Variants in TNPO3 observed in about 807,000 individuals in gnomAD.
TNPO3 encodes transportin 3.
TNPO3 carries 65 observed loss-of-function variants against 122.8 expected under a neutral mutation model. The ratio of observed to expected loss-of-function variants is 0.53; its 90% confidence interval spans 0.43 to 0.65. The LOEUF (loss-of-function observed/expected upper bound fraction) is 0.65. Among genes scored for constraint, TNPO3 ranks in the 30% least tolerant of loss-of-function variants. The probability of loss-of-function intolerance (pLI) is 0.00; values close to 1 mark genes in which losing one functional copy is unlikely to be tolerated. For synonymous variants in TNPO3, 372 were observed against 411.2 expected (o/e 0.90, Z 1.15); for missense variants, 850 against 1,136.7 (o/e 0.75, Z 3.63).
chr7:128,969,525 T>C (rs1798252391), intron 20 of TNPO3, among the ~76,000 whole-genome samples: 2 of 152,210 alleles, frequency 1.3e-5, no homozygotes, highest in African/African-American at 4.8e-5. Context: ...GGTTATATTA[T>C]ACTTTACCAT....
intron 1 of TNPO3, among the ~76,000 whole-genome samples, chr7:129,042,941 T>C (rs1563112753): frequency 1.3e-5 from 2 of 151,824 alleles, no homozygotes; most frequent in Admixed American, 1.3e-4. Flanking sequence ...CAAAATACAC[T>C]TGGGTATACA....
intron 1 of TNPO3, among the ~76,000 whole-genome samples, chr7:129,023,884 A>G (rs1003917236): frequency 1.3e-5 from 2 of 152,376 alleles, no homozygotes; most frequent in African/African-American, 4.8e-5. Flanking sequence ...ATGTAAGTAA[A>G]GAAATAACAG....
chr7:128,991,634 A>G (rs1800757656), intron 10 of TNPO3, among the ~76,000 whole-genome samples: 1 of 152,236 alleles, frequency 6.6e-6, no homozygotes, highest in Non-Finnish European at 1.5e-5. Context: ...AGGTCACAAA[A>G]GCAGGAAACC....
intron 8 of TNPO3, among the ~76,000 whole-genome samples, chr7:128,996,744 A>C (rs1801372573): frequency 8.4e-5 from 2 of 23,898 alleles, no homozygotes; most frequent in South Asian, 1.8e-3. Flanking sequence ...CTCCGTCTCA[A>C]AAAAAAAAAA....
intron 10 of TNPO3, among the ~76,000 whole-genome samples, chr7:128,990,884 C>T (rs1253450867): frequency 3.3e-5 from 5 of 152,162 alleles, no homozygotes; most frequent in Non-Finnish European, 7.3e-5. Context: ...TGGATTACAG[C>T]AAGACCACCC....
chr7:129,030,237 C>G (rs1336903276), intron 1 of TNPO3: 1 of 217,484 alleles, frequency 4.6e-6, no homozygotes, highest in Non-Finnish European at 9.7e-6. Context: ...CATGTGATGG[C>G]CTTGATCAGA....
At chr7:129,008,318 A>G (rs1245073857) in intron 4 of TNPO3, among the ~76,000 whole-genome samples, 1 of 151,972 alleles carries the variant, frequency 6.6e-6, no homozygotes, top group African/African-American at 2.4e-5. Context: ...GGAGTTCTAG[A>G]CTAATCTGAG....
At chr7:128,958,247 G>C (rs1159291236) in intron 21 of TNPO3, among the ~76,000 whole-genome samples, 1 of 147,822 alleles carries the variant, frequency 6.8e-6, no homozygotes, top group Admixed American at 6.9e-5. Context: ...AGGTTCAAGC[G>C]ATTCTCCTGC....
At chr7:129,010,098 T>C (rs1156431522) in intron 4 of TNPO3, among the ~76,000 whole-genome samples, 2 of 152,222 alleles carry the variant, frequency 1.3e-5, no homozygotes, top group African/African-American at 4.8e-5. Flanking sequence ...TAGTAGGAGC[T>C]CATAAGAATG....
chr7:129,033,399 C>T (rs1806174338), intron 1 of TNPO3, among the ~76,000 whole-genome samples: 1 of 152,016 alleles, frequency 6.6e-6, no homozygotes, highest in Non-Finnish European at 1.5e-5. Flanking sequence ...ACCTCACACC[C>T]AATAGAATGA....
At chr7:129,035,559 T>C (rs148115945) in intron 1 of TNPO3, among the ~76,000 whole-genome samples, 1,610 of 152,138 alleles carry the variant, frequency 0.011, 17 homozygotes, top group Middle Eastern at 0.014. Flanking sequence ...AAGGCCGCAG[T>C]GAGCCTTGAT....
intron 1 of TNPO3, among the ~76,000 whole-genome samples, chr7:129,021,163 C>T (rs911192947): frequency 2.2e-4 from 33 of 151,978 alleles, no homozygotes; most frequent in African/African-American, 6.3e-4. Context: ...CAAGACCAGT[C>T]GGGCCAATAT....
intron 16 of TNPO3, among the ~76,000 whole-genome samples, chr7:128,977,372 C>T (rs1015335851): frequency 1.2e-4 from 19 of 152,116 alleles, no homozygotes; most frequent in African/African-American, 3.6e-4. Context: ...GTGGCAATCG[C>T]CTAAATGCGA....
chr7:128,990,258 C>A, intron 10 of TNPO3, 158 bp from the exon 11 acceptor site: 1 of 831,248 alleles, frequency 1.2e-6, no homozygotes. Flanking sequence ...ATTTTCAAAT[C>A]TTCAAAAAAG....
chr7:129,054,765 T>G lies in TNPO3; in HGVS notation c.6A>C (p.Glu2Asp). M[E>D]GAKPTLQLVY... is the part of the protein sequence containing the mutation. The stretch of plus-strand genomic sequence containing the variant: ...CGAGCTGCAATGTCGGCTTTGCTCC[T>G]TCCATGGTGGTGGCGGTAGTGGCGG... Residue 2 changes from glutamate to aspartate, a missense_variant, in exon 1 of 23, where the codon GAA (glutamate) becomes GAC (aspartate). Coordinates refer to ENST00000265388, the MANE Select transcript of TNPO3 (RefSeq NM_012470.4). 1 of 1,614,154 alleles carries G rather than the reference T, an allele frequency of 6.2e-7. No individual in the cohort carries two copies. The highest frequency in any genetic ancestry group is 8.5e-7 in the Non-Finnish European group (1 of 1,180,008).
Position 129,001,227 on chromosome 7 carries a change from T to C in TNPO3, c.704A>G (p.Asp235Gly). The C allele has an allele frequency of 6.2e-7, 1 of 1,603,156 alleles. No homozygotes were observed. Among genetic ancestry groups the C allele is most frequent in the Non-Finnish European group, 8.5e-7 (1 of 1,171,262 alleles). Residue 235 changes from aspartate to glycine, a missense_variant, in exon 6 of 23, where the codon GAT (aspartate) becomes GGT (glycine). Transcript: ENST00000265388. ...LALLFEVLQQDKTSSNLHEAA... is the reference protein window; with the variant it reads ...LALLFEVLQQGKTSSNLHEAA... Reference sequence around the variant, plus strand: ...TTCATGTAGGTTAGACGAGGTCTTATCCTGTTGCTGGGGAGGTAGCAGGAA... The same window carrying C: ...TTCATGTAGGTTAGACGAGGTCTTACCCTGTTGCTGGGGAGGTAGCAGGAA...
chr7:129,016,102 T>C (rs1445445427), intron 3 of TNPO3, among the ~76,000 whole-genome samples: 1 of 151,746 alleles, frequency 6.6e-6, no homozygotes, highest in African/African-American at 2.4e-5. Context: ...ATAAAAATAA[T>C]TTTTAAAAAA....
At chr7:128,984,339 CAG>C in intron 12 of TNPO3, 80 bp from the exon 13 acceptor site, 1 of 882,268 alleles carries the variant, frequency 1.1e-6, no homozygotes. Flanking sequence ...TGTGAGTGAC[CAG>C]AAAAAGCGAA....
Position 128,982,341 on chromosome 7 carries a change from A to C in TNPO3, c.1783-17T>G, listed in dbSNP as rs753432848. The C allele has an allele frequency of 1.9e-6, 3 of 1,608,722 alleles. No individual in the cohort carries two copies. The highest frequency in any genetic ancestry group is 2.6e-6 in the Non-Finnish European group (3 of 1,175,988). ...AGACAACAGCTGAAGAGACAAAAGG[A>C]CATTAACACCCAATTGTCACATGTA... On this transcript the variant is annotated splice_polypyrimidine_tract_variant and intron_variant, in intron 13 of 22. Coordinates refer to ENST00000265388, the MANE Select transcript of TNPO3 (RefSeq NM_012470.4).
Sources: gnomAD v4.1 joint callset for allele counts (sites outside exome capture counted in the v4.1 genomes callset) on GRCh38, gnomAD v4.1.1 for gene constraint, MANE v1.5 for transcripts, NCBI Gene and HGNC (gene_info 2026-07-23, HGNC 2026-07-21) for gene names.